ZDHHC17: variants seen among roughly 807,000 people sequenced by gnomAD.
The protein encoded by ZDHHC17 is palmitoyltransferase ZDHHC17.
ZDHHC17 carries 40 observed loss-of-function variants against 90.3 expected under a neutral mutation model. The observed-to-expected ratio is 0.44, with a 90% CI of 0.34 to 0.58. ZDHHC17 has a LOEUF of 0.58. Among genes scored for constraint, ZDHHC17 ranks in the 20% least tolerant of loss-of-function variants. The pLI is 0.01. For synonymous variants in ZDHHC17, 235 were observed against 252.4 expected (o/e 0.93, Z 0.65); for missense variants, 614 against 780.8 (o/e 0.79, Z 2.55).
chr12:76,825,754 T>C (rs1255462532), intron 8 of ZDHHC17, among the ~76,000 whole-genome samples: 1 of 152,136 alleles, frequency 6.6e-6, no homozygotes, highest in African/African-American at 2.4e-5. Flanking sequence ...AATATAACCT[T>C]AGCTTTTAGG....
In ZDHHC17 at chr12:76,790,151, G is replaced by A. The variant is rs189593401; in HGVS notation, c.94-7283G>A. 2.2e-4 allele frequency among the ~76,000 whole-genome samples: 34 copies of A among 152,112 alleles called. No individual in the cohort carries two copies. The East Asian group carries it at 6.0e-3, about 27-fold the overall frequency. On this transcript the variant is annotated intron_variant, in intron 1 of 16. Coordinates refer to ENST00000426126, the MANE Select transcript of ZDHHC17 (RefSeq NM_015336.4). Reference sequence around the variant, plus strand: ...ATCTAGACCTCTTATAAAAAATGAAGCTTTTTTTTAAAGAGATAGGAAGAG... The same window carrying A: ...ATCTAGACCTCTTATAAAAAATGAAACTTTTTTTTAAAGAGATAGGAAGAG...
chr12:76,784,621 A>G (rs551899117), intron 1 of ZDHHC17, among the ~76,000 whole-genome samples: 5 of 152,290 alleles, frequency 3.3e-5, no homozygotes, highest in South Asian at 2.1e-4. Flanking sequence ...AGACATCTCA[A>G]TTGGTTCAGC....
At chr12:76,799,735 A>G (rs1010553200) in intron 2 of ZDHHC17, among the ~76,000 whole-genome samples, 2 of 152,224 alleles carry the variant, frequency 1.3e-5, no homozygotes, top group African/African-American at 4.8e-5. Flanking sequence ...TGACAGCTAT[A>G]AAGATTGTGT....
intron 8 of ZDHHC17, among the ~76,000 whole-genome samples, chr12:76,824,501 C>G (rs943730986): frequency 2.6e-5 from 4 of 151,902 alleles, no homozygotes; most frequent in African/African-American, 9.7e-5. Flanking sequence ...GGAAAAGTTT[C>G]AGTCATTAAC....
At chr12:76,818,770 T>C (rs764257193) in intron 7 of ZDHHC17, among the ~76,000 whole-genome samples, 3 of 152,218 alleles carry the variant, frequency 2.0e-5, no homozygotes, top group Non-Finnish European at 4.4e-5. Flanking sequence ...ACAGGTGCTG[T>C]ATCATGCAAT....
chr12:76,797,944 CA>C (rs1565776135), intron 2 of ZDHHC17, among the ~76,000 whole-genome samples: 1 of 10,998 alleles, frequency 9.1e-5, no homozygotes, highest in Non-Finnish European at 1.5e-4. Flanking sequence ...AACTCTGCCA[CA>C]CACACACACA....
chr12:76,770,635 T>C (rs1231870576), intron 1 of ZDHHC17, among the ~76,000 whole-genome samples: 1 of 151,936 alleles, frequency 6.6e-6, no homozygotes, highest in African/African-American at 2.4e-5. Context: ...ACAGTTAAGG[T>C]GTCTTAAAAT....
chr12:76,845,427 CAA>C (rs899543597), intron 12 of ZDHHC17: 2 of 178,864 alleles, frequency 1.1e-5, no homozygotes, highest in African/African-American at 4.7e-5. Context: ...CATCATTCAT[CAA>C]ATCAAATTGG....
At chr12:76,768,348 C>T (rs1952454590) in intron 1 of ZDHHC17, among the ~76,000 whole-genome samples, 2 of 152,188 alleles carry the variant, frequency 1.3e-5, no homozygotes, top group South Asian at 2.1e-4. Flanking sequence ...AGTAGCTAGA[C>T]TAGATGACCT....
intron 1 of ZDHHC17, among the ~76,000 whole-genome samples, chr12:76,792,216 A>G (rs879605735): frequency 3.3e-5 from 5 of 152,132 alleles, no homozygotes; most frequent in Non-Finnish European, 7.4e-5. Context: ...GGTGTAGTCA[A>G]AAGGGACCTT....
chr12:76,845,919 A>G (rs1034627302), intron 13 of ZDHHC17, 117 bp downstream of exon 13: 11 of 507,284 alleles, frequency 2.2e-5, no homozygotes, highest in South Asian at 4.1e-5. Flanking sequence ...TCATTTTCTC[A>G]GTTATCTTCT....
intron 10 of ZDHHC17, among the ~76,000 whole-genome samples, chr12:76,835,940 G>A (rs1696859607): frequency 6.6e-6 from 1 of 151,014 alleles, no homozygotes; most frequent in African/African-American, 2.4e-5. Context: ...TTAACTTTTT[G>A]TGAATTGTGT....
chr12:76,815,697 G>T (rs1953078616), intron 6 of ZDHHC17, among the ~76,000 whole-genome samples, 160 bp from the exon 7 acceptor site: 1 of 151,718 alleles, frequency 6.6e-6, no homozygotes, highest in African/African-American at 2.4e-5. Context: ...CTTCATATTA[G>T]AATATTGTCT....
chr12:76,776,783 A>G (rs1952565392), intron 1 of ZDHHC17, among the ~76,000 whole-genome samples: 1 of 152,258 alleles, frequency 6.6e-6, no homozygotes, highest in Non-Finnish European at 1.5e-5. Flanking sequence ...GAACAGGTCA[A>G]TAATCTATAT....
chr12:76,772,473 A>G (rs1952504127), intron 1 of ZDHHC17, among the ~76,000 whole-genome samples: 1 of 151,886 alleles, frequency 6.6e-6, no homozygotes, highest in African/African-American at 2.4e-5. Context: ...TTATCACCCA[A>G]AGGCCATAGT....
intron 2 of ZDHHC17, among the ~76,000 whole-genome samples, chr12:76,799,410 G>A (rs537145027): frequency 1.3e-5 from 2 of 152,230 alleles, no homozygotes; most frequent in African/African-American, 4.8e-5. Flanking sequence ...TAGAGTTCTG[G>A]AAACCTTAAC....
In ZDHHC17 at chr12:76,849,419, G is replaced by A; in HGVS notation, c.1709G>A (p.Arg570Lys). 2 of 1,555,566 alleles carry A rather than the reference G, an allele frequency of 1.3e-6. No individual in the cohort carries two copies. The highest frequency in any genetic ancestry group is 1.2e-5 in the South Asian group (1 of 83,184). ...GITTNERMNA[R>K]RYKHFKVTTT... Reference sequence around the variant, plus strand: ...ACTACAAATGAAAGAATGAATGCCAGGAGATACAAGCACTTTAAAGTCACA... The same window carrying A: ...ACTACAAATGAAAGAATGAATGCCAAGAGATACAAGCACTTTAAAGTCACA... The change falls in exon 16 of 17, where the codon AGG (arginine) becomes AAG (lysine). Residue 570 changes from arginine to lysine, a missense_variant. By Grantham distance (26) the Arg-to-Lys change is conservative (BLOSUM62 2). This residue lies in a region of ZDHHC17 where 111 missense variants were observed against 179.8 expected (regional missense o/e 0.62). Transcript: ENST00000426126.
intron 1 of ZDHHC17, among the ~76,000 whole-genome samples, chr12:76,785,310 T>C (rs1952672071): frequency 6.6e-6 from 1 of 152,216 alleles, no homozygotes; most frequent in Admixed American, 6.5e-5. Context: ...TTGATGGGGC[T>C]TATGTTGAGA....
At chr12:76,806,747 A>T (rs1952958811) in intron 3 of ZDHHC17, among the ~76,000 whole-genome samples, 1 of 152,224 alleles carries the variant, frequency 6.6e-6, no homozygotes, top group South Asian at 2.1e-4. Context: ...TCCTGAGCAC[A>T]GGCAGTTCAA....
Sources: gnomAD v4.1 joint callset for allele counts (sites outside exome capture counted in the v4.1 genomes callset) on GRCh38, gnomAD v4.1.1 for gene constraint, gnomAD v4.1.1 regional missense constraint, MANE v1.5 for transcripts, NCBI Gene and HGNC (gene_info 2026-07-23, HGNC 2026-07-21) for gene names.